The following OR6P1 variants were observed in gnomAD, a reference collection of about 807,000 sequenced individuals.
OR6P1 encodes olfactory receptor 6P1.
In OR6P1, 5 loss-of-function variants were observed where a neutral mutation model predicts 6.6. The observed-to-expected ratio is 0.76, with a 90% CI of 0.40 to 1.60. The LOEUF is 1.60. Ranked by LOEUF, OR6P1 falls within the 40% of genes most tolerant of loss-of-function variation. The pLI is 0.02. For synonymous variants in OR6P1, 177 were observed against 149.6 expected (o/e 1.18, Z -1.33); for missense variants, 451 against 383.0 (o/e 1.18, Z -1.48).
intron 2 of OR6P1, among the ~76,000 whole-genome samples, chr1:158,564,276 G>A (rs1221877787): frequency 6.6e-6 from 1 of 152,138 alleles, no homozygotes; most frequent in Non-Finnish European, 1.5e-5. Flanking sequence ...TTTCCAGGAG[G>A]TATAACAGAT....
At chr1:158,563,689 C>T in intron 2 of OR6P1, 63 bp from the exon 3 acceptor site, 2 of 806,092 alleles carry the variant, frequency 2.5e-6, no homozygotes, top group Non-Finnish European at 4.0e-6. Context: ...CACCAACATA[C>T]TCTCACAGGT....
In OR6P1 at chr1:158,560,655, G is replaced by C. The variant is rs1647930324; in HGVS notation, c.*1996C>G. ...AAGGAAGTCCTGAAAGCAGTTGAAG[G>C]AATAGACTCTGTCATTTAAAGTCTT... On this transcript the variant is annotated 3_prime_UTR_variant, in exon 3 of 3. Transcript: ENST00000641540. 6.6e-6 allele frequency: 1 copy of C among 152,138 alleles called. No individual in the cohort carries two copies. Among genetic ancestry groups the C allele is most frequent in the African/African-American group, 2.4e-5 (1 of 41,446 alleles). The allele number at this position is 152,138 out of a possible 1,614,324, so 9.4% of individuals were successfully genotyped here.
rs1308845511 is a variant in OR6P1 at position 158,566,780 on chromosome 1, G to A, written c.-39C>T. On this transcript the variant is annotated 5_prime_UTR_variant, in exon 2 of 3. Coordinates refer to ENST00000641540, the MANE Select transcript of OR6P1 (RefSeq NM_001160325.2). ...CCAACCTACCAGGGTCAGTCCTGAGGGATGTGGGAAAGTTGTTGGAAAACG... is the reference window on the plus strand; with the variant it reads ...CCAACCTACCAGGGTCAGTCCTGAGAGATGTGGGAAAGTTGTTGGAAAACG... 6.6e-6 allele frequency: 1 copy of A among 152,118 alleles called. No homozygotes were observed. The highest frequency in any genetic ancestry group is 1.5e-5 in the Non-Finnish European group (1 of 68,026). 9.4% of individuals were successfully genotyped at this position (152,118 alleles called of 1,614,324 possible). A position where few individuals can be genotyped will look rare whatever the true frequency, so the allele number is the denominator to read the frequency against.
At chr1:158,569,025 A>T (rs748709006) in intron 1 of OR6P1, among the ~76,000 whole-genome samples, 1 of 152,360 alleles carries the variant, frequency 6.6e-6, no homozygotes, top group East Asian at 1.9e-4. Context: ...TGGAAATTTA[A>T]GAGGTAGAAT....
At chr1:158,566,646 G>A (rs948065358) in intron 2 of OR6P1, 118 bp downstream of exon 2, 11 of 152,132 alleles carry the variant, frequency 7.2e-5, no homozygotes, top group African/African-American at 2.2e-4. Flanking sequence ...GTTTAGTCTT[G>A]AATTTACATC....
intron 1 of OR6P1, among the ~76,000 whole-genome samples, chr1:158,567,793 T>TAATA (rs59450110): frequency 0.18 from 27,044 of 147,202 alleles, 2,588 homozygotes; most frequent in Non-Finnish European, 0.21. Context: ...TAAAGTATAA[T>TAATA]AATAAATAAA....
chr1:158,570,025 T>C (rs554547824), intron 1 of OR6P1, among the ~76,000 whole-genome samples: 2 of 152,218 alleles, frequency 1.3e-5, no homozygotes, highest in Non-Finnish European at 2.9e-5. Flanking sequence ...CTTAATATGA[T>C]AGGTATTTCT....
chr1:158,569,330 C>T (rs543100545), intron 1 of OR6P1, among the ~76,000 whole-genome samples: 2 of 152,296 alleles, frequency 1.3e-5, no homozygotes, highest in African/African-American at 2.4e-5. Flanking sequence ...TTAGGTGTTA[C>T]ATAAGTGAAG....
intron 2 of OR6P1, among the ~76,000 whole-genome samples, chr1:158,564,426 G>A (rs1648046218): frequency 6.6e-6 from 1 of 152,056 alleles, no homozygotes; most frequent in African/African-American, 2.4e-5. Flanking sequence ...TTCTAGGTGG[G>A]CCTTAAATAC....
rs1336055213 is a variant in OR6P1, at chr1:158,560,763, T to C, written c.*1888A>G. ...GGAATTTTCAAGCCCTGTAAGAGCC[T>C]ATATCACTTGTAACAATTTCATGGG... is the stretch of plus-strand genomic sequence containing the variant. On this transcript the variant is annotated 3_prime_UTR_variant, in exon 3 of 3. Transcript: ENST00000641540. 6.6e-6 allele frequency: 1 copy of C among 152,202 alleles called. No homozygotes were observed. Among genetic ancestry groups the C allele is most frequent in the Non-Finnish European group, 1.5e-5 (1 of 68,018 alleles). The allele number at this position is 152,202 out of a possible 1,614,324, so 9.4% of individuals were successfully genotyped here.
chr1:158,562,904 C>T lies in OR6P1; in HGVS notation c.701G>A (p.Arg234His), dbSNP rs77302108. Residue 234 changes from arginine (R) to histidine (H), a missense_variant, in exon 3 of 3, where the codon CGC becomes CAC. Coordinates refer to ENST00000641540, the MANE Select transcript of OR6P1 (RefSeq NM_001160325.2). The stretch of plus-strand genomic sequence containing the variant: ...GGCACAAGTGGAAAAGGCTTTGTGG[C>T]GTCCCCTGGACGTAGGGATCCTCAG... Reference protein sequence around the residue: ...AILRIPTSRGRHKAFSTCAAH... With the variant: ...AILRIPTSRGHHKAFSTCAAH... 2.2e-3 allele frequency: 3,473 copies of T among 1,551,878 alleles called. 53 individuals are homozygous for T. In the African/African-American group the frequency reaches 0.037, roughly 17 times the overall value.
chr1:158,563,248 G>A lies in OR6P1; in HGVS notation c.357C>T (p.Ala119=). 6.4e-7 allele frequency: 1 copy of A among 1,551,602 alleles called. No homozygotes were observed. The highest frequency in any genetic ancestry group is 8.7e-7 in the Non-Finnish European group (1 of 1,146,992). The change falls in exon 3 of 3, where the codon GCC becomes GCT. Residue 119 remains alanine, a synonymous_variant. Transcript: ENST00000641540. ...CTECVLLAVM[A]YDRYLAICGP... is the part of the protein sequence containing the mutation. ...CACAGATGGCCAGGTAGCGATCATA[G>A]GCCATAACTGCCAACAGCACACATT...
rs1397152372 is a variant in OR6P1, at chr1:158,562,990, C to T, written c.615G>A (p.Val205=). ...CAGCCAATAGAGGGAGTAGAATCAT[C>T]ACCAGGGCCAGAAGGAAGTCTACTA... ...AELVDFLLAL[V]MILLPLLAVV... The change falls in exon 3 of 3, where the codon GTG becomes GTA. Residue 205 remains valine (V), a synonymous_variant. Coordinates refer to ENST00000641540, the MANE Select transcript of OR6P1 (RefSeq NM_001160325.2). 6.4e-7 allele frequency: 1 copy of T among 1,551,742 alleles called. No individual in the cohort carries two copies. Among genetic ancestry groups the T allele is most frequent in the Admixed American group, 2.0e-5 (1 of 51,000 alleles).
rs771943028 is a variant in OR6P1 at position 158,562,631 on chromosome 1, C to T, written c.*20G>A. The stretch of plus-strand genomic sequence containing the variant: ...TATTAAGATTCTGCTATTTTCACCT[C>T]TCCCAAGACCTGTTGTATATCAGTC... On this transcript the variant is annotated 3_prime_UTR_variant, in exon 3 of 3. Coordinates refer to ENST00000641540, the MANE Select transcript of OR6P1 (RefSeq NM_001160325.2). 2.8e-6 allele frequency: 4 copies of T among 1,430,178 alleles called. No homozygotes were observed. In the African/African-American group the frequency reaches 4.2e-5, roughly 15 times the overall value. 88.6% of individuals were successfully genotyped at this position (1,430,178 alleles called of 1,614,324 possible). A position where few individuals can be genotyped will look rare whatever the true frequency, so the allele number is the denominator to read the frequency against.
chr1:158,565,231 T>C (rs1168544462), intron 2 of OR6P1, among the ~76,000 whole-genome samples: 2 of 152,260 alleles, frequency 1.3e-5, no homozygotes, highest in Middle Eastern at 3.4e-3. Flanking sequence ...GGAGTCTAAT[T>C]TTTTACTGCA....
In OR6P1 at chr1:158,563,250, C is replaced by T. The variant is rs1648006228; in HGVS notation, c.355G>A (p.Ala119Thr). The T allele has an allele frequency of 6.4e-7, 1 of 1,551,420 alleles. No homozygotes were observed. Among genetic ancestry groups the T allele is most frequent in the Non-Finnish European group, 8.7e-7 (1 of 1,146,980 alleles). The change falls in exon 3 of 3, where the codon GCC (alanine) becomes ACC (threonine). Residue 119 changes from alanine (A) to threonine (T), a missense_variant. Physicochemically the swap from Ala to Thr is moderately conservative, Grantham distance 58. Coordinates refer to ENST00000641540, the MANE Select transcript of OR6P1 (RefSeq NM_001160325.2). ...CTECVLLAVM[A>T]YDRYLAICGP... ...CAGATGGCCAGGTAGCGATCATAGG[C>T]CATAACTGCCAACAGCACACATTCA...
chr1:158,563,221 T>G lies in OR6P1; in HGVS notation c.384A>C (p.Gly128=), dbSNP rs1571337621. The change falls in exon 3 of 3, where the codon GGA becomes GGC. Residue 128 remains glycine (G), a synonymous_variant. Coordinates refer to ENST00000641540, the MANE Select transcript of OR6P1 (RefSeq NM_001160325.2). ...GCATGAGACTAGGGTAAAGGAGGGGTCCACAGATGGCCAGGTAGCGATCAT... is the reference window on the plus strand; with the variant it reads ...GCATGAGACTAGGGTAAAGGAGGGGGCCACAGATGGCCAGGTAGCGATCAT... ...MAYDRYLAIC[G]PLLYPSLMPS... The G allele has an allele frequency of 6.4e-7, 1 of 1,551,046 alleles. No individual in the cohort carries two copies. The highest frequency in any genetic ancestry group is 8.7e-7 in the Non-Finnish European group (1 of 1,146,880).
chr1:158,564,763 C>G (rs1389243952), intron 2 of OR6P1, among the ~76,000 whole-genome samples: 1 of 152,162 alleles, frequency 6.6e-6, no homozygotes, highest in Non-Finnish European at 1.5e-5. Flanking sequence ...ATATTTGTGG[C>G]AGTTTGTTAC....
chr1:158,569,929 T>C (rs1287147257), intron 1 of OR6P1, among the ~76,000 whole-genome samples: 1 of 152,224 alleles, frequency 6.6e-6, no homozygotes, highest in Non-Finnish European at 1.5e-5. Flanking sequence ...GGGTTTTTGT[T>C]TGTTTGTCTT....
Sources: gnomAD v4.1 joint callset for allele counts (sites outside exome capture counted in the v4.1 genomes callset) on GRCh38, gnomAD v4.1.1 for gene constraint, MANE v1.5 for transcripts, NCBI Gene and HGNC (gene_info 2026-07-23, HGNC 2026-07-21) for gene names.